GALNTL6: variants seen among roughly 807,000 people sequenced by gnomAD.
The protein encoded by GALNTL6 is polypeptide N-acetylgalactosaminyltransferase-like 6.
In GALNTL6, 46 loss-of-function variants were observed where a neutral mutation model predicts 73.7. The ratio of observed to expected loss-of-function variants is 0.62; its 90% CI spans 0.49 to 0.80. The LOEUF (loss-of-function observed/expected upper bound fraction) is 0.80. Ranked by LOEUF, GALNTL6 falls within the 30% of genes least tolerant of loss-of-function variation. The pLI is 0.00. For missense variants in GALNTL6, 604 were observed against 755.0 expected (o/e 0.80, Z 2.34); for synonymous variants, 259 against 263.7 (o/e 0.98, Z 0.17).
intron 5 of GALNTL6, among the ~76,000 whole-genome samples, chr4:172,429,080 G>A (rs934204921): frequency 8.6e-5 from 13 of 151,854 alleles, no homozygotes; most frequent in African/African-American, 2.7e-4. Context: ...AGGCGAACAA[G>A]TTCTTTTATA....
intron 2 of GALNTL6, among the ~76,000 whole-genome samples, chr4:171,902,407 C>T (rs1038720258): frequency 4.6e-5 from 7 of 152,164 alleles, no homozygotes; most frequent in East Asian, 1.9e-4. Flanking sequence ...AGAGCAGATT[C>T]ATTTCATGAA....
chr4:172,268,320 A>G (rs1738519862), intron 3 of GALNTL6, among the ~76,000 whole-genome samples: 1 of 152,190 alleles, frequency 6.6e-6, no homozygotes, highest in South Asian at 2.1e-4. Context: ...CCACATGTGA[A>G]TAAGAAGGAA....
At chr4:172,949,802 G>C (rs1354158246) in intron 9 of GALNTL6, among the ~76,000 whole-genome samples, 1 of 151,966 alleles carries the variant, frequency 6.6e-6, no homozygotes. Flanking sequence ...CCAGCTACGT[G>C]GGAGGCTGAG....
At chr4:172,046,563 C>A (rs972398865) in intron 2 of GALNTL6, among the ~76,000 whole-genome samples, 1 of 152,114 alleles carries the variant, frequency 6.6e-6, no homozygotes, top group East Asian at 1.9e-4. Flanking sequence ...AAAACCCAGT[C>A]TGACAGGTGT....
intron 2 of GALNTL6, among the ~76,000 whole-genome samples, chr4:172,118,624 C>G (rs1733053222): frequency 6.6e-6 from 1 of 151,750 alleles, no homozygotes; most frequent in Non-Finnish European, 1.5e-5. Flanking sequence ...TGCTTGAACT[C>G]TGGAGGTGGA....
chr4:171,861,413 A>G (rs1009546815), intron 2 of GALNTL6, among the ~76,000 whole-genome samples: 11 of 152,200 alleles, frequency 7.2e-5, no homozygotes, highest in Non-Finnish European at 1.2e-4. Context: ...GACATTTGTA[A>G]CCCTTTACAA....
At chr4:172,312,352 T>C (rs1740392435) in intron 4 of GALNTL6, among the ~76,000 whole-genome samples, 10 of 152,072 alleles carry the variant, frequency 6.6e-5, no homozygotes, top group Admixed American at 6.5e-4. Flanking sequence ...TTACCCCAAA[T>C]CCATCTTTTC....
chr4:172,200,249 C>A (rs1735910074), intron 2 of GALNTL6, among the ~76,000 whole-genome samples: 1 of 152,090 alleles, frequency 6.6e-6, no homozygotes, highest in Admixed American at 6.6e-5. Context: ...AACAAATTCA[C>A]CCTCAAACTT....
intron 2 of GALNTL6, among the ~76,000 whole-genome samples, chr4:172,218,987 T>C (rs931169202): frequency 2.1e-4 from 32 of 151,360 alleles, no homozygotes; most frequent in Non-Finnish European, 4.1e-4. Flanking sequence ...AGATAAAGTT[T>C]TTTATTTCCA....
intron 2 of GALNTL6, among the ~76,000 whole-genome samples, chr4:172,142,374 A>C (rs957269116): frequency 1.3e-5 from 2 of 152,060 alleles, no homozygotes; most frequent in African/African-American, 4.8e-5. Flanking sequence ...AGAATTTAAT[A>C]AACATAAAAG....
At chr4:172,515,636 A>G (rs1329603037) in intron 5 of GALNTL6, among the ~76,000 whole-genome samples, 1 of 152,236 alleles carries the variant, frequency 6.6e-6, no homozygotes, top group Non-Finnish European at 1.5e-5. Flanking sequence ...TAGAGGCCTC[A>G]GGGGAGTTCT....
At chr4:172,264,981 A>G (rs1201870424) in intron 3 of GALNTL6, among the ~76,000 whole-genome samples, 6 of 151,954 alleles carry the variant, frequency 3.9e-5, no homozygotes, top group Non-Finnish European at 8.8e-5. Flanking sequence ...GTGTCCAAAC[A>G]GAAGAATAAT....
intron 2 of GALNTL6, among the ~76,000 whole-genome samples, chr4:171,825,839 T>TA (rs1267653235): frequency 6.6e-6 from 1 of 152,164 alleles, no homozygotes; most frequent in Non-Finnish European, 1.5e-5. Flanking sequence ...TTTTGCTTCG[T>TA]AAAAAACATT....
intron 2 of GALNTL6, among the ~76,000 whole-genome samples, chr4:171,902,668 T>C (rs1737133099): frequency 6.6e-6 from 1 of 152,154 alleles, no homozygotes. Flanking sequence ...GAAGTGAATA[T>C]GATATGAAAA....
At chr4:171,926,258 A>G (rs1173470916) in intron 2 of GALNTL6, among the ~76,000 whole-genome samples, 2 of 152,166 alleles carry the variant, frequency 1.3e-5, no homozygotes, top group Non-Finnish European at 2.9e-5. Flanking sequence ...TTTTCAAATG[A>G]CATATAGTAT....
intron 5 of GALNTL6, among the ~76,000 whole-genome samples, chr4:172,462,656 C>T (rs1732660524): frequency 6.6e-6 from 1 of 152,100 alleles, no homozygotes; most frequent in Non-Finnish European, 1.5e-5. Flanking sequence ...CCCTGGATTG[C>T]AAGTTTCAAG....
At chr4:172,736,041 G>T (rs915785104) in intron 5 of GALNTL6, among the ~76,000 whole-genome samples, 2 of 152,126 alleles carry the variant, frequency 1.3e-5, no homozygotes, top group Non-Finnish European at 1.5e-5. Context: ...GGGCAGAGAG[G>T]CAGAGTGAGA....
intron 5 of GALNTL6, among the ~76,000 whole-genome samples, chr4:172,389,972 A>G (rs1743602592): frequency 6.6e-6 from 1 of 151,896 alleles, no homozygotes; most frequent in East Asian, 1.9e-4. Flanking sequence ...TAATTTAGCG[A>G]CAGATCCACA....
chr4:171,877,908 A>G (rs1736322772), intron 2 of GALNTL6, among the ~76,000 whole-genome samples: 1 of 152,246 alleles, frequency 6.6e-6, no homozygotes, highest in African/African-American at 2.4e-5. Flanking sequence ...AAGATAAACA[A>G]GCAAAATGAG....
Sources: allele counts gnomAD v4.1 joint callset (sites outside exome capture counted in the v4.1 genomes callset), GRCh38; gene constraint gnomAD v4.1.1; transcripts MANE v1.5; gene names NCBI Gene and HGNC (gene_info 2026-07-23, HGNC 2026-07-21).